FAM174B: variants seen among roughly 807,000 people sequenced by gnomAD.
FAM174B encodes family with sequence similarity 174 member B, also known as membrane protein FAM174B.
FAM174B carries 12 observed loss-of-function variants against 10.9 expected under a neutral mutation model. That is an observed-to-expected ratio of 1.10 (90% CI 0.71 to 1.79). FAM174B has a LOEUF of 1.79. Among genes scored for constraint, FAM174B ranks in the 40% most tolerant of loss-of-function variants. The probability of loss-of-function intolerance (pLI) is 0.00; values close to 1 mark genes in which losing one functional copy is unlikely to be tolerated. For missense variants in FAM174B, 266 were observed against 233.3 expected, an observed-to-expected ratio of 1.14 and a Z score of -0.91; for synonymous variants, 132 against 115.8, an observed-to-expected ratio of 1.14 and a Z score of -0.90.
chr15:92,623,471 C>A (rs575384542), intron 2 of FAM174B, among the ~76,000 whole-genome samples: 1 of 152,334 alleles, frequency 6.6e-6, no homozygotes, highest in Admixed American at 6.5e-5. Context: ...GCTGCCACCG[C>A]CCAGGCTTAT....
Position 92,618,013 on chromosome 15 carries a change from A to G in FAM174B, c.*1443T>C, listed in dbSNP as rs2050690924. ...GCCGAGCTCCCATGCCCCTTCCCAC[A>G]TATCCCAACTCTTCTCAGAAAACTG... On this transcript the variant is annotated 3_prime_UTR_variant, in exon 3 of 3. Transcript: ENST00000327355. 3.3e-6 allele frequency: 1 copy of G among 304,126 alleles called. No homozygotes were observed. Among genetic ancestry groups the G allele is most frequent in the Non-Finnish European group, 6.0e-6 (1 of 166,270 alleles). 18.8% of individuals were successfully genotyped at this position (304,126 alleles called of 1,614,324 possible).
At chr15:92,624,922 T>A (rs1053852266) in intron 2 of FAM174B, among the ~76,000 whole-genome samples, 5 of 151,984 alleles carry the variant, frequency 3.3e-5, no homozygotes, top group Admixed American at 2.6e-4. Context: ...GCCTAGAGGG[T>A]GTAACAAAGT....
chr15:92,633,092 T>C (rs2050830153), intron 1 of FAM174B, among the ~76,000 whole-genome samples: 1 of 152,238 alleles, frequency 6.6e-6, no homozygotes, highest in Middle Eastern at 3.2e-3. Flanking sequence ...GAATATTTAA[T>C]ACTGTCTATG....
In FAM174B at chr15:92,623,829, G is replaced by T. The variant is rs150542570; in HGVS notation, c.477-4370C>A. 1.0e-3 allele frequency among the ~76,000 whole-genome samples: 152 copies of T among 152,362 alleles called. 2 individuals carry two copies. In the East Asian group the frequency reaches 0.028, roughly 28 times the overall value. ...CCACGTGACAGGGAAGCCCCTGGCA[G>T]TTCTACTGCTTCCATCCAGGGACAC... On this transcript the variant is annotated intron_variant, in intron 2 of 2. Coordinates refer to ENST00000327355, the MANE Select transcript of FAM174B (RefSeq NM_207446.3).
chr15:92,630,168 C>T, intron 2 of FAM174B, 46 bp downstream of exon 2: 1 of 1,603,580 alleles, frequency 6.2e-7, no homozygotes. Context: ...GTCCCACCAA[C>T]CCACTGCCCC....
Position 92,655,581 on chromosome 15 carries a change from T to A in FAM174B, c.79A>T (p.Ser27Cys). The A allele has an allele frequency of 7.6e-7, 1 of 1,315,404 alleles. No homozygotes were observed. The highest frequency in any genetic ancestry group is 9.7e-7 in the Non-Finnish European group (1 of 1,034,448). 81.5% of individuals were successfully genotyped at this position (1,315,404 alleles called of 1,614,324 possible). Residue 27 changes from serine (S) to cysteine (C), a missense_variant, in exon 1 of 3, where the codon AGC becomes TGC. By Grantham distance (112) the Ser-to-Cys change is moderately radical. Coordinates refer to ENST00000327355, the MANE Select transcript of FAM174B (RefSeq NM_207446.3). ...GGCGCGGAGACGGACTCGGCTCTGC[T>A]GGCGCGGGCGGCGGGAGCGGCCAGG... Reference protein sequence around the residue: ...ALLAAPAARASRAESVSAPWP... With the variant: ...ALLAAPAARACRAESVSAPWP...
intron 2 of FAM174B, chr15:92,619,716 C>T: frequency 1.8e-6 from 1 of 557,568 alleles, no homozygotes; most frequent in Middle Eastern, 4.6e-4. Flanking sequence ...CCTCTTTCTC[C>T]TTATATCCCT....
intron 1 of FAM174B, chr15:92,634,772 C>T (rs567954191): frequency 9.8e-5 from 15 of 152,348 alleles, no homozygotes; most frequent in African/African-American, 3.6e-4. Context: ...ACAGTGGAAT[C>T]AACGGGCTCT....
chr15:92,625,508 C>T (rs932968661), intron 2 of FAM174B, among the ~76,000 whole-genome samples: 2 of 152,174 alleles, frequency 1.3e-5, no homozygotes, highest in African/African-American at 4.8e-5. Flanking sequence ...AACAGATTAG[C>T]CATGTGCAGA....
At chr15:92,624,101 C>T (rs1475362421) in intron 2 of FAM174B, among the ~76,000 whole-genome samples, 1 of 152,186 alleles carries the variant, frequency 6.6e-6, no homozygotes, top group Non-Finnish European at 1.5e-5. Context: ...CCGCAGGCTG[C>T]CAATATTGCT....
At chr15:92,630,377 C>T in intron 1 of FAM174B, 32 bp from the exon 2 acceptor site, 1 of 1,582,314 alleles carries the variant, frequency 6.3e-7, no homozygotes, top group South Asian at 1.1e-5. Context: ...CATGAGAACA[C>T]AGCTGGGAGA....
intron 2 of FAM174B, among the ~76,000 whole-genome samples, chr15:92,624,727 C>T (rs749394658): frequency 2.0e-5 from 3 of 152,226 alleles, no homozygotes; most frequent in Non-Finnish European, 4.4e-5. Context: ...CACACCCCCA[C>T]GGGGCCACAT....
rs2141968286 is a variant in FAM174B at position 92,655,396 on chromosome 15, T to C, written c.264A>G (p.Leu88=). Residue 88 remains leucine (L), a synonymous_variant, in exon 1 of 3, where the codon CTA becomes CTG. Coordinates refer to ENST00000327355, the MANE Select transcript of FAM174B (RefSeq NM_207446.3). Reference sequence around the variant, plus strand: ...CGATCACGGCTGCCTTGAGGGTGGGTAGGTCGCGGAGGAGGATGGAAATGC... The same window carrying C: ...CGATCACGGCTGCCTTGAGGGTGGGCAGGTCGCGGAGGAGGATGGAAATGC... ...VTRISILLRD[L]PTLKAAVIVA... The C allele has an allele frequency of 6.3e-7, 1 of 1,598,018 alleles. No homozygotes were observed. Among genetic ancestry groups the C allele is most frequent in the Non-Finnish European group, 8.5e-7 (1 of 1,173,234 alleles).
rs2050944349 is a variant in FAM174B at position 92,648,610 on chromosome 15, C to G, written c.344+6706G>C. On this transcript the variant is annotated intron_variant, in intron 1 of 2. Coordinates refer to ENST00000327355, the MANE Select transcript of FAM174B (RefSeq NM_207446.3). ...CTCAGTGACCTTCACCAAGCCTCCC[C>G]ACTCTGGGCCTCAGTTTTCTCATCT... Among the ~76,000 whole-genome samples the G allele has an allele frequency of 2.0e-5, 3 of 152,300 alleles. No individual in the cohort carries two copies. The South Asian group carries it at 6.2e-4, about 32-fold the overall frequency.
rs1347324729 is a variant in FAM174B at position 92,617,537 on chromosome 15, G to T, written c.*1919C>A. 2.0e-6 allele frequency: 1 copy of T among 510,222 alleles called. No homozygotes were observed. The allele number at this position is 510,222 out of a possible 1,614,324, so 31.6% of individuals were successfully genotyped here. A position where few individuals can be genotyped will look rare whatever the true frequency, so the allele number is the denominator to read the frequency against. On this transcript the variant is annotated 3_prime_UTR_variant, in exon 3 of 3. Coordinates refer to ENST00000327355, the MANE Select transcript of FAM174B (RefSeq NM_207446.3). The stretch of plus-strand genomic sequence containing the variant: ...GTCACTTTCAGCAGCCGCCATTTCT[G>T]CCAGGACCAGTGGCAAGCACCTGGC...
Position 92,619,036 on chromosome 15 carries a change from G to GCCATATCATTAA in FAM174B, c.*419_*420insTTAATGATATGG. The GCCATATCATTAA allele has an allele frequency of 2.0e-6, 1 of 495,140 alleles. No homozygotes were observed. 30.7% of individuals were successfully genotyped at this position (495,140 alleles called of 1,614,324 possible). A position where few individuals can be genotyped will look rare whatever the true frequency, so the allele number is the denominator to read the frequency against. On this transcript the variant is annotated 3_prime_UTR_variant, in exon 3 of 3. Coordinates refer to ENST00000327355, the MANE Select transcript of FAM174B (RefSeq NM_207446.3). Reference sequence around the variant, plus strand: ...TGTAGATCCAGTAGAGAAGAATGTCGGAAATTCTAAATACACAGTTGGACA... The same window carrying GCCATATCATTAA: ...TGTAGATCCAGTAGAGAAGAATGTCGCCATATCATTAAGAAATTCTAAATACACAGTTGGACA...
In FAM174B at chr15:92,655,622, A is replaced by AGCG. The variant is rs2050999883; in HGVS notation, c.35_37dup (p.Pro12dup). ...AGCGGCCAGGAGCGCGAGCAGCAGC[A>AGCG]GCGGCAGGAGCGGGGCGGGCAGCGG... On this transcript the variant is annotated inframe_insertion, in exon 1 of 3. Transcript: ENST00000327355. The AGCG allele has an allele frequency of 7.9e-7, 1 of 1,260,598 alleles. No individual in the cohort carries two copies. The highest frequency in any genetic ancestry group is 3.3e-5 in the South Asian group (1 of 30,392). The allele number at this position is 1,260,598 out of a possible 1,614,324, so 78.1% of individuals were successfully genotyped here.
chr15:92,619,707 C>G (rs1427270251), intron 2 of FAM174B: 1 of 574,212 alleles, frequency 1.7e-6, no homozygotes, highest in African/African-American at 1.9e-5. Context: ...AGAACACAAC[C>G]TCTTTCTCCT....
At chr15:92,649,683 C>T (rs1239093128) in intron 1 of FAM174B, among the ~76,000 whole-genome samples, 4 of 152,116 alleles carry the variant, frequency 2.6e-5, no homozygotes, top group Non-Finnish European at 5.9e-5. Flanking sequence ...GCCTTGAAGC[C>T]GAGATTCTCG....
Sources: allele counts gnomAD v4.1 joint callset (sites outside exome capture counted in the v4.1 genomes callset), GRCh38; gene constraint gnomAD v4.1.1; transcripts MANE v1.5; gene names NCBI Gene and HGNC (gene_info 2026-07-23, HGNC 2026-07-21).